HS3ST4: variants seen among roughly 807,000 people sequenced by gnomAD.
HS3ST4 encodes heparan sulfate glucosamine 3-O-sulfotransferase 4.
A neutral mutation model predicts 29.2 loss-of-function variants in HS3ST4; 17 were observed. That is an observed-to-expected ratio of 0.58 (90% confidence interval 0.40 to 0.87). HS3ST4 has a LOEUF of 0.87. Among genes scored for constraint, HS3ST4 ranks in the 40% least tolerant of loss-of-function variants. The pLI is 0.00. For missense variants in HS3ST4, 627 were observed against 634.5 expected, an observed-to-expected ratio of 0.99 and a Z score of 0.13; for synonymous variants, 314 against 285.7, an observed-to-expected ratio of 1.10 and a Z score of -1.00.
At chr16:25,726,925 T>C (rs1966539321) in intron 1 of HS3ST4, among the ~76,000 whole-genome samples, 1 of 152,318 alleles carries the variant, frequency 6.6e-6, no homozygotes, top group Admixed American at 6.5e-5. Flanking sequence ...TCCTTTCTAT[T>C]TTCCATTCTC....
intron 1 of HS3ST4, among the ~76,000 whole-genome samples, chr16:25,951,728 C>T (rs143104566): frequency 6.6e-6 from 1 of 152,170 alleles, no homozygotes; most frequent in Non-Finnish European, 1.5e-5. Context: ...TATCCTTTAG[C>T]ATCTTTTTAA....
Position 26,049,894 on chromosome 16 carries a change from G to A in HS3ST4, c.735-85718G>A, listed in dbSNP as rs376789286. On this transcript the variant is annotated intron_variant, in intron 1 of 1. Coordinates refer to ENST00000331351, the MANE Select transcript of HS3ST4 (RefSeq NM_006040.3). ...TTACAAAGGATACAGATGAAGAGGC[G>A]CACAGGACAAAGCATGTGGGAAGGA... Among the ~76,000 whole-genome samples the A allele has an allele frequency of 7.7e-4, 117 of 152,250 alleles. 2 individuals carry two copies. The South Asian group carries it at 0.02, about 26-fold the overall frequency.
chr16:25,870,056 G>A (rs905968806), intron 1 of HS3ST4, among the ~76,000 whole-genome samples: 1 of 151,868 alleles, frequency 6.6e-6, no homozygotes, highest in African/African-American at 2.4e-5. Flanking sequence ...GTCTCACTCA[G>A]CGCCATCATT....
At chr16:25,718,777 G>T (rs1966474583) in intron 1 of HS3ST4, among the ~76,000 whole-genome samples, 1 of 152,126 alleles carries the variant, frequency 6.6e-6, no homozygotes, top group African/African-American at 2.4e-5. Flanking sequence ...GAGAGGACAG[G>T]GATAGGAGAT....
chr16:25,805,399 C>G (rs1380624513), intron 1 of HS3ST4, among the ~76,000 whole-genome samples: 1 of 152,186 alleles, frequency 6.6e-6, no homozygotes, highest in African/African-American at 2.4e-5. Context: ...TACTGCAGTC[C>G]TAAAGAAGGA....
At chr16:26,080,137 C>T (rs1004147606) in intron 1 of HS3ST4, among the ~76,000 whole-genome samples, 1 of 152,056 alleles carries the variant, frequency 6.6e-6, no homozygotes, top group South Asian at 2.1e-4. Flanking sequence ...TTGGAGAGCT[C>T]CACCCACCTT....
intron 1 of HS3ST4, among the ~76,000 whole-genome samples, chr16:25,938,162 A>C (rs955815694): frequency 6.6e-6 from 1 of 152,184 alleles, no homozygotes; most frequent in African/African-American, 2.4e-5. Context: ...CATTAGCAGT[A>C]GTCACCAATC....
chr16:25,695,411 AC>A (rs1225193855), intron 1 of HS3ST4, among the ~76,000 whole-genome samples: 1 of 152,182 alleles, frequency 6.6e-6, no homozygotes, highest in Non-Finnish European at 1.5e-5. Context: ...TTTTGGGAAG[AC>A]CCGTTGGACC....
intron 1 of HS3ST4, among the ~76,000 whole-genome samples, chr16:25,823,764 A>G (rs1364591064): frequency 6.6e-6 from 1 of 152,122 alleles, no homozygotes; most frequent in Non-Finnish European, 1.5e-5. Context: ...GGGTTTCACC[A>G]TGTTGGCCAG....
At chr16:25,988,778 G>A (rs1176703486) in intron 1 of HS3ST4, among the ~76,000 whole-genome samples, 1 of 151,632 alleles carries the variant, frequency 6.6e-6, no homozygotes, top group Non-Finnish European at 1.5e-5. Context: ...TAATACCTGA[G>A]TGATGAAATA....
chr16:26,071,654 T>C (rs564700864), intron 1 of HS3ST4, among the ~76,000 whole-genome samples: 2 of 152,252 alleles, frequency 1.3e-5, no homozygotes, highest in South Asian at 4.2e-4. Context: ...ATACATGCAT[T>C]AGTCACACAC....
At chr16:26,000,587 G>C (rs1969203859) in intron 1 of HS3ST4, among the ~76,000 whole-genome samples, 1 of 152,156 alleles carries the variant, frequency 6.6e-6, no homozygotes, top group African/African-American at 2.4e-5. Context: ...CACTAGGATT[G>C]AGTAGCATTA....
chr16:26,045,718 A>T (rs187797281), intron 1 of HS3ST4, among the ~76,000 whole-genome samples: 2 of 152,046 alleles, frequency 1.3e-5, no homozygotes, highest in Non-Finnish European at 2.9e-5. Context: ...TTGTTCACGA[A>T]TTTTCCATCT....
Position 25,692,459 on chromosome 16 carries a change from T to C in HS3ST4, c.42T>C (p.Pro14=). The C allele has an allele frequency of 1.5e-6, 2 of 1,327,464 alleles. No individual in the cohort carries two copies. Among genetic ancestry groups the C allele is most frequent in the Non-Finnish European group, 1.9e-6 (2 of 1,026,290 alleles). The allele number at this position is 1,327,464 out of a possible 1,614,324, so 82.2% of individuals were successfully genotyped here. ...CACCTCCTCCGCCTCCGCCTCCGCC[T>C]CCACCTCTGGCCGCGCCGCCGCCGC... ...WPAPPPPPPP[P]PPLAAPPPPG... is the part of the protein sequence containing the mutation. The change falls in exon 1 of 2, where the codon CCT becomes CCC. Residue 14 remains proline, a synonymous_variant. Coordinates refer to ENST00000331351, the MANE Select transcript of HS3ST4 (RefSeq NM_006040.3).
chr16:25,840,346 G>A (rs906399299), intron 1 of HS3ST4, among the ~76,000 whole-genome samples: 17 of 152,178 alleles, frequency 1.1e-4, no homozygotes, highest in African/African-American at 3.9e-4. Flanking sequence ...ATTTTGAGAC[G>A]CAACTACTAC....
At chr16:25,882,435 C>A (rs1474010345) in intron 1 of HS3ST4, among the ~76,000 whole-genome samples, 1 of 152,140 alleles carries the variant, frequency 6.6e-6, no homozygotes, top group Non-Finnish European at 1.5e-5. Flanking sequence ...GAGCAGAGGG[C>A]TATGTCAGCT....
chr16:25,969,611 C>A (rs1464639081), intron 1 of HS3ST4, among the ~76,000 whole-genome samples: 2 of 152,198 alleles, frequency 1.3e-5, no homozygotes, highest in Non-Finnish European at 2.9e-5. Flanking sequence ...CTTAGCATCT[C>A]TGAGAGTCAG....
At chr16:25,825,925 A>G (rs912297504) in intron 1 of HS3ST4, 7 of 152,174 alleles carry the variant, frequency 4.6e-5, no homozygotes, top group African/African-American at 1.7e-4. Context: ...TCCCACCAGA[A>G]ATTCTTTGCC....
chr16:25,732,225 C>G (rs1203015295), intron 1 of HS3ST4, among the ~76,000 whole-genome samples: 1 of 152,168 alleles, frequency 6.6e-6, no homozygotes, highest in African/African-American at 2.4e-5. Context: ...TTCTGCCCAC[C>G]CCTACCCCCC....
Sources: gnomAD v4.1 joint callset for allele counts (sites outside exome capture counted in the v4.1 genomes callset) on GRCh38, gnomAD v4.1.1 for gene constraint, MANE v1.5 for transcripts, NCBI Gene and HGNC (gene_info 2026-07-23, HGNC 2026-07-21) for gene names.